MED13: variants seen among roughly 807,000 people sequenced by gnomAD.
MED13 encodes mediator complex subunit 13.
Under a neutral mutation model 225.2 loss-of-function variants are expected in MED13, and 23 were observed. That is an observed-to-expected ratio of 0.10 (90% CI 0.07 to 0.14). The LOEUF (loss-of-function observed/expected upper bound fraction) is 0.14. Among genes scored for constraint, MED13 ranks in the 10% least tolerant of loss-of-function variants. The probability of loss-of-function intolerance (pLI) is 1.00; values close to 1 mark genes in which losing one functional copy is unlikely to be tolerated. For missense variants in MED13, 2,197 were observed against 2,594.5 expected, an observed-to-expected ratio of 0.85 and a Z score of 3.33; for synonymous variants, 942 against 889.2, an observed-to-expected ratio of 1.06 and a Z score of -1.06.
At position 61,977,192 on chromosome 17, in the gene MED13, T is replaced by G. The variant is rs138737710; in HGVS notation, c.3806-4304A>C. On this transcript the variant is annotated intron_variant, in intron 16 of 29. Transcript: ENST00000397786. ...GGTAAGAAACAACAATTAATAAATT[T>G]TATTATGTTAGAAGGTAATAGTCCA... Among the ~76,000 whole-genome samples the G allele has an allele frequency of 5.6e-3, 854 of 152,284 alleles. 8 individuals are homozygous for G. Among genetic ancestry groups the G allele is most frequent in the African/African-American group, 0.02 (812 of 41,564 alleles).
rs2080496858 is a variant in MED13, at chr17:62,010,567, A to G, written c.1950T>C (p.Ser650=). 1 of 1,464,274 alleles carries G rather than the reference A, an allele frequency of 6.8e-7. No homozygotes were observed. The highest frequency in any genetic ancestry group is 9.0e-7 in the Non-Finnish European group (1 of 1,105,724). The allele number at this position is 1,464,274 out of a possible 1,614,324, so 90.7% of individuals were successfully genotyped here. ...DDPVGPFGQE[S]VTSVTELMVQ... ...ATACATACTCTGTAACTGATGTTAC[A>G]CTTTCCTGTCCAAAAGGTCCAACTG... The change falls in exon 9 of 30, where the codon AGT becomes AGC. Residue 650 remains serine (S), a synonymous_variant. Coordinates refer to ENST00000397786, the MANE Select transcript of MED13 (RefSeq NM_005121.3).
intron 1 of MED13, 138 bp downstream of exon 1, chr17:62,065,002 A>T: frequency 3.1e-6 from 2 of 643,850 alleles, no homozygotes; most frequent in Non-Finnish European, 4.8e-6. Context: ...CTGGCCGCGG[A>T]GCTTCGCAGG....
At chr17:62,058,649 G>A (rs939464898) in intron 2 of MED13, among the ~76,000 whole-genome samples, 2 of 151,892 alleles carry the variant, frequency 1.3e-5, no homozygotes, top group African/African-American at 2.4e-5. Context: ...TCCTATAGAG[G>A]ATAAAGCAAA....
chr17:62,053,306 G>A (rs1479298055), intron 2 of MED13, among the ~76,000 whole-genome samples: 1 of 152,110 alleles, frequency 6.6e-6, no homozygotes. Flanking sequence ...TTCAGTACAG[G>A]ACCCTTTACT....
intron 3 of MED13, chr17:62,036,862 G>A (rs541167472): frequency 5.8e-4 from 88 of 152,312 alleles, no homozygotes; most frequent in African/African-American, 2.1e-3. Context: ...AGTTACCTCA[G>A]TTGACTGTTC....
chr17:61,949,045 G>A (rs953407377), intron 28 of MED13, among the ~76,000 whole-genome samples: 18 of 149,542 alleles, frequency 1.2e-4, no homozygotes, highest in Non-Finnish European at 2.7e-4. Context: ...CCGAGATCCC[G>A]CCACTGCACT....
intron 3 of MED13, among the ~76,000 whole-genome samples, chr17:62,052,239 T>C (rs550115823): frequency 5.1e-4 from 78 of 152,302 alleles, no homozygotes; most frequent in East Asian, 3.1e-3. Flanking sequence ...AAAAAAAAGA[T>C]ACTTCCAAGC....
At chr17:62,064,480 C>A (rs1400207882) in intron 1 of MED13, among the ~76,000 whole-genome samples, 1 of 152,166 alleles carries the variant, frequency 6.6e-6, no homozygotes. Context: ...CGTCCACTAG[C>A]CCCCTTCACT....
chr17:62,036,042 A>T (rs911125044), intron 3 of MED13, among the ~76,000 whole-genome samples: 1 of 151,432 alleles, frequency 6.6e-6, no homozygotes, highest in Non-Finnish European at 1.5e-5. Context: ...CTCTGACCTC[A>T]GCCTCCAAAG....
At chr17:61,954,390 A>G (rs372506468) in intron 26 of MED13, among the ~76,000 whole-genome samples, 2 of 152,196 alleles carry the variant, frequency 1.3e-5, no homozygotes, top group East Asian at 3.8e-4. Flanking sequence ...AAATCAACAT[A>G]AGAGATATAT....
At position 61,971,275 on chromosome 17, in the gene MED13, C is replaced by CT. The variant is rs758826223; in HGVS notation, c.3967+1451dup. Among the ~76,000 whole-genome samples the CT allele has an allele frequency of 4.5e-3, 611 of 136,340 alleles. 2 individuals are homozygous for CT. The highest frequency in any genetic ancestry group is 8.5e-3 in the African/African-American group (317 of 37,368). The allele number at this position is 136,340 out of a possible 152,430, so 89.4% of individuals were successfully genotyped here. A position where few individuals can be genotyped will look rare whatever the true frequency, so the allele number is the denominator to read the frequency against. On this transcript the variant is annotated intron_variant, in intron 17 of 29. Transcript: ENST00000397786. ...ACAGAAATAAATAAATAAATATCTA[C>CT]TTTTTTTTTTTTTTTTTTGAGATGG...
chr17:61,980,716 A>G lies in MED13; in HGVS notation c.3805+1482T>C, dbSNP rs375404197. On this transcript the variant is annotated intron_variant, in intron 16 of 29. Transcript: ENST00000397786. ...ACTGATTTATCCTGCTTCTGTTCTC[A>G]CTTTCACTACTTCCAAACCCCAACG... Among the ~76,000 whole-genome samples, 4 of 152,150 alleles carry G rather than the reference A, an allele frequency of 2.6e-5. No individual in the cohort carries two copies. The South Asian group carries it at 8.3e-4, about 32-fold the overall frequency.
In MED13 at chr17:61,984,684, C is replaced by G. The variant is rs756236732; in HGVS notation, c.2658G>C (p.Glu886Asp). 1 of 1,613,384 alleles carries G rather than the reference C, an allele frequency of 6.2e-7. No homozygotes were observed. The highest frequency in any genetic ancestry group is 2.2e-5 in the East Asian group (1 of 44,842). ...CAGAAGGTTTGGGGCTACAGAATCCCTCATCAACCTCAATTTTGAACTGCG... is the reference window on the plus strand; with the variant it reads ...CAGAAGGTTTGGGGCTACAGAATCCGTCATCAACCTCAATTTTGAACTGCG... ...IGAQFKIEVDEGFCSPKPSEI... is the reference protein window; with the variant it reads ...IGAQFKIEVDDGFCSPKPSEI... Residue 886 changes from glutamate to aspartate, a missense_variant, in exon 14 of 30, where the codon GAG (glutamate) becomes GAC (aspartate). This residue lies in a region of MED13 where 160 missense variants were observed against 184.8 expected (regional missense o/e 0.87). Transcript: ENST00000397786.
intron 17 of MED13, among the ~76,000 whole-genome samples, 164 bp downstream of exon 17, chr17:61,972,563 G>A (rs1037540288): frequency 2.0e-5 from 3 of 152,096 alleles, no homozygotes; most frequent in African/African-American, 7.2e-5. Context: ...TGAGTAAGCT[G>A]AATGTTGGAA....
intron 8 of MED13, among the ~76,000 whole-genome samples, chr17:62,024,910 A>C (rs965356753): frequency 1.2e-4 from 19 of 152,014 alleles, no homozygotes; most frequent in African/African-American, 4.6e-4. Flanking sequence ...GTACATGCAC[A>C]TTTTCTTTAT....
At chr17:62,042,560 C>CAA (rs377646442) in intron 3 of MED13, among the ~76,000 whole-genome samples, 3,842 of 59,924 alleles carry the variant, frequency 0.064, 249 homozygotes, top group African/African-American at 0.16. Context: ...GGTTTCATCT[C>CAA]AAAAAAAAAA....
chr17:62,063,448 T>C, intron 1 of MED13, 147 bp from the exon 2 acceptor site: 2 of 563,134 alleles, frequency 3.6e-6, no homozygotes, highest in Non-Finnish European at 3.1e-6. Flanking sequence ...AAAAAAAGAC[T>C]TTATAATTCA....
chr17:61,948,352 T>A (rs113956308), intron 28 of MED13, among the ~76,000 whole-genome samples: 48 of 152,294 alleles, frequency 3.2e-4, no homozygotes, highest in African/African-American at 1.1e-3. Flanking sequence ...AAATACTGAG[T>A]AGGAAAAGCT....
chr17:61,945,262 C>T lies in MED13; in HGVS notation c.*1206G>A, dbSNP rs1406013174. ...CCATACATATGCATACTCTCACATA[C>T]ATTCCCAATCTTTAATTTAAAAAAA... On this transcript the variant is annotated 3_prime_UTR_variant, in exon 30 of 30. Transcript: ENST00000397786. 1 of 151,990 alleles carries T rather than the reference C, an allele frequency of 6.6e-6. No homozygotes were observed. Among genetic ancestry groups the T allele is most frequent in the African/African-American group, 2.4e-5 (1 of 41,372 alleles). 9.4% of individuals were successfully genotyped at this position (151,990 alleles called of 1,614,324 possible). A position where few individuals can be genotyped will look rare whatever the true frequency, so the allele number is the denominator to read the frequency against.
Sources: gnomAD v4.1 joint callset for allele counts (sites outside exome capture counted in the v4.1 genomes callset) on GRCh38, gnomAD v4.1.1 for gene constraint, gnomAD v4.1.1 regional missense constraint, MANE v1.5 for transcripts, NCBI Gene and HGNC (gene_info 2026-07-23, HGNC 2026-07-21) for gene names.